The following ASB4 variants were observed in gnomAD, a reference collection of about 807,000 sequenced individuals.
The protein encoded by ASB4 is ankyrin repeat and SOCS box containing 4, also known as ankyrin repeat and SOCS box protein 4.
ASB4 carries 35 observed loss-of-function variants against 38.6 expected under a neutral mutation model. The observed-to-expected ratio is 0.91, with a 90% CI of 0.69 to 1.20. The LOEUF is 1.20. Ranked by LOEUF, ASB4 falls within the 50% of genes most tolerant of loss-of-function variation. ASB4 has a pLI of 0.00. For synonymous variants in ASB4, 195 were observed against 201.3 expected (o/e 0.97, Z 0.26); for missense variants, 557 against 527.2 (o/e 1.06, Z -0.55).
At chr7:95,472,419 T>C in the ASB4 span, among the ~76,000 whole-genome samples, 1 of 152,152 alleles carries the variant, frequency 6.6e-6, no homozygotes, top group East Asian at 1.9e-4. Context: ...CTGCAAATTA[T>C]GTACCTGGTC....
At chr7:95,508,252 C>G (rs540331808) in intron 2 of ASB4, among the ~76,000 whole-genome samples, 4 of 152,134 alleles carry the variant, frequency 2.6e-5, no homozygotes, top group African/African-American at 9.6e-5. Context: ...AACCTCTGTT[C>G]TATCGTAGCC....
At chr7:95,549,623 C>T in the ASB4 span, among the ~76,000 whole-genome samples, 1 of 151,992 alleles carries the variant, frequency 6.6e-6, no homozygotes, top group African/African-American at 2.4e-5. Context: ...AATGGATTTA[C>T]GTTGTTCACA....
chr7:95,505,573 T>G (rs1205037896), intron 2 of ASB4, among the ~76,000 whole-genome samples: 1 of 152,150 alleles, frequency 6.6e-6, no homozygotes, highest in Non-Finnish European at 1.5e-5. Flanking sequence ...TAAATACCAT[T>G]TATTTATCCA....
chr7:95,476,980 C>T (rs1294509508), upstream of ASB4, among the ~76,000 whole-genome samples: 1 of 152,136 alleles, frequency 6.6e-6, no homozygotes, highest in Admixed American at 6.5e-5. Flanking sequence ...AGCAAATTCT[C>T]AGTAGAGAAA....
chr7:95,475,574 G>A (rs1789969443), upstream of ASB4, among the ~76,000 whole-genome samples: 1 of 151,950 alleles, frequency 6.6e-6, no homozygotes, highest in Non-Finnish European at 1.5e-5. Context: ...AGTAGAGATG[G>A]GGTTTCACCA....
the ASB4 span, among the ~76,000 whole-genome samples, chr7:95,546,829 T>C: frequency 2.0e-5 from 3 of 152,310 alleles, no homozygotes; most frequent in African/African-American, 7.2e-5. Flanking sequence ...AGGAGAAGCA[T>C]AGAATTTTGC....
At chr7:95,505,407 G>A (rs1284359911) in intron 2 of ASB4, among the ~76,000 whole-genome samples, 2 of 152,088 alleles carry the variant, frequency 1.3e-5, no homozygotes, top group Non-Finnish European at 2.9e-5. Context: ...AGCAAAAGAG[G>A]TGGAAGAAAT....
intron 2 of ASB4, among the ~76,000 whole-genome samples, chr7:95,498,369 T>A (rs1187955022): frequency 6.6e-6 from 1 of 152,208 alleles, no homozygotes; most frequent in Non-Finnish European, 1.5e-5. Context: ...GGGGGGTAGA[T>A]CATTAGAATG....
In ASB4 at chr7:95,515,155, T is replaced by TTC. The variant is rs1453070506; in HGVS notation, c.488-12656_488-12655dup. Among the ~76,000 whole-genome samples, 182 of 141,944 alleles carry TTC rather than the reference T, an allele frequency of 1.3e-3. 1 individual carries two copies. The highest frequency in any genetic ancestry group is 1.2e-3 in the Non-Finnish European group (80 of 64,678). 93.1% of individuals were successfully genotyped at this position (141,944 alleles called of 152,430 possible). A position where few individuals can be genotyped will look rare whatever the true frequency, so the allele number is the denominator to read the frequency against. On this transcript the variant is annotated intron_variant, in intron 2 of 4. Coordinates refer to ENST00000325885, the MANE Select transcript of ASB4 (RefSeq NM_016116.3). ...TGTCCAAGCAATTGTTTTTCTTTCT[T>TTC]TCTTTCTCTTTCTCTTTCTTTCTTT...
At chr7:95,515,223 TTC>T (rs1562817028) in intron 2 of ASB4, among the ~76,000 whole-genome samples, 71 of 131,376 alleles carry the variant, frequency 5.4e-4, no homozygotes, top group East Asian at 1.3e-3. Context: ...CTTTCTTTCT[TTC>T]TTTCTTTTTC....
At chr7:95,527,200 T>G (rs1790750322) in intron 2 of ASB4, among the ~76,000 whole-genome samples, 1 of 152,158 alleles carries the variant, frequency 6.6e-6, no homozygotes, top group South Asian at 2.1e-4. Context: ...TGTATGTGTG[T>G]GTGTGCATGC....
At position 95,486,135 on chromosome 7, in the gene ASB4, T is replaced by C. The variant is rs771938368; in HGVS notation, c.164T>C (p.Met55Thr). 1 of 1,614,040 alleles carries C rather than the reference T, an allele frequency of 6.2e-7. No homozygotes were observed. Among genetic ancestry groups the C allele is most frequent in the Non-Finnish European group, 8.5e-7 (1 of 1,179,912 alleles). ...GTTTTTGAAGTCGAAGATGAGAATA[T>C]GGTTTTGGCATCTTATAAACAAGGT... ...DTVFEVEDENMVLASYKQGYW... is the reference protein window; with the variant it reads ...DTVFEVEDENTVLASYKQGYW... Residue 55 changes from methionine to threonine, a missense_variant, in exon 1 of 5, where the codon ATG (methionine) becomes ACG (threonine). Met to Thr is a moderately conservative substitution (Grantham distance 81). Coordinates refer to ENST00000325885, the MANE Select transcript of ASB4 (RefSeq NM_016116.3).
the ASB4 span, among the ~76,000 whole-genome samples, chr7:95,545,437 A>G: frequency 9.8e-5 from 15 of 152,322 alleles, no homozygotes; most frequent in African/African-American, 3.4e-4. Flanking sequence ...GGAAAAAAAC[A>G]ACATTGCAGT....
intron 1 of ASB4, among the ~76,000 whole-genome samples, chr7:95,491,822 C>T (rs1562809849): frequency 6.6e-6 from 1 of 152,204 alleles, no homozygotes; most frequent in Non-Finnish European, 1.5e-5. Flanking sequence ...GGCCCAGCCT[C>T]ATTTTAAAGT....
chr7:95,472,507 A>G, the ASB4 span, among the ~76,000 whole-genome samples: 1 of 152,134 alleles, frequency 6.6e-6, no homozygotes, highest in African/African-American at 2.4e-5. Flanking sequence ...TCTCCCTGTG[A>G]TTCCTGTGGA....
chr7:95,474,983 A>G (rs1480151650), upstream of ASB4, among the ~76,000 whole-genome samples: 1 of 152,214 alleles, frequency 6.6e-6, no homozygotes, highest in African/African-American at 2.4e-5. Context: ...TACTTTTGCA[A>G]TATGATCCTT....
intron 2 of ASB4, among the ~76,000 whole-genome samples, chr7:95,496,362 C>T (rs1790248418): frequency 1.3e-5 from 2 of 151,890 alleles, no homozygotes; most frequent in African/African-American, 4.8e-5. Flanking sequence ...TACTCCTGCC[C>T]TCAAAGAAAG....
intron 3 of ASB4, among the ~76,000 whole-genome samples, chr7:95,532,576 T>TC: frequency 6.6e-6 from 1 of 152,158 alleles, no homozygotes; most frequent in East Asian, 1.9e-4. Flanking sequence ...GGTAGGCAGT[T>TC]CTCTTTGATC....
intron 1 of ASB4, among the ~76,000 whole-genome samples, chr7:95,488,477 T>C (rs11975318): frequency 6.6e-6 from 1 of 152,160 alleles, no homozygotes; most frequent in African/African-American, 2.4e-5. Flanking sequence ...TAGATCTAAG[T>C]GGTTATATCA....
Sources: allele counts gnomAD v4.1 joint callset (sites outside exome capture counted in the v4.1 genomes callset), GRCh38; gene constraint gnomAD v4.1.1; transcripts MANE v1.5; gene names NCBI Gene and HGNC (gene_info 2026-07-23, HGNC 2026-07-21).